KCNJ6: variants seen among roughly 807,000 people sequenced by gnomAD.
KCNJ6 encodes the protein G protein-activated inward rectifier potassium channel 2.
In KCNJ6, 9 loss-of-function variants were observed where a neutral mutation model predicts 34.2. The ratio of observed to expected loss-of-function variants is 0.26; its 90% CI spans 0.16 to 0.46. The LOEUF (loss-of-function observed/expected upper bound fraction) is 0.46, where lower values mean the gene tolerates loss of function less well. Ranked by LOEUF, KCNJ6 falls within the 20% of genes least tolerant of loss-of-function variation. The pLI, the probability that KCNJ6 is intolerant of heterozygous loss-of-function variation, is 1.00. For synonymous variants in KCNJ6, 196 were observed against 207.1 expected (o/e 0.95, Z 0.46); for missense variants, 236 against 531.3 (o/e 0.44, Z 5.46).
chr21:37,846,029 A>G (rs1289214939), intron 1 of KCNJ6, among the ~76,000 whole-genome samples: 1 of 152,224 alleles, frequency 6.6e-6, no homozygotes. Flanking sequence ...GATGCTGAAA[A>G]AAAAACAACG....
chr21:37,870,686 CCCAAATGG>C, intron 1 of KCNJ6, among the ~76,000 whole-genome samples: 1 of 151,916 alleles, frequency 6.6e-6, no homozygotes, highest in Admixed American at 6.6e-5. Context: ...ACAATGTATG[CCCAAATGG>C]TCTGGTTCCT....
intron 2 of KCNJ6, among the ~76,000 whole-genome samples, chr21:37,735,295 C>T (rs2054907114): frequency 6.6e-6 from 1 of 152,208 alleles, no homozygotes; most frequent in Admixed American, 6.5e-5. Flanking sequence ...AGAATCCTAT[C>T]ACCAGAAACG....
intron 1 of KCNJ6, among the ~76,000 whole-genome samples, chr21:37,906,912 A>G (rs1029064232): frequency 2.0e-5 from 3 of 152,208 alleles, no homozygotes; most frequent in South Asian, 2.1e-4. Flanking sequence ...GAATATGTTT[A>G]GGGTATTGAC....
intron 1 of KCNJ6, among the ~76,000 whole-genome samples, chr21:37,876,494 G>A (rs955441811): frequency 6.6e-6 from 1 of 151,602 alleles, no homozygotes; most frequent in African/African-American, 2.4e-5. Flanking sequence ...CTTATCCCAG[G>A]ACATTTGAAA....
intron 2 of KCNJ6, among the ~76,000 whole-genome samples, chr21:37,792,349 C>T (rs965071447): frequency 6.6e-6 from 1 of 152,196 alleles, no homozygotes; most frequent in African/African-American, 2.4e-5. Flanking sequence ...AATCACTACA[C>T]TAATTATTTT....
Position 37,733,523 on chromosome 21 carries a change from C to T in KCNJ6, c.26-18392G>A, listed in dbSNP as rs976372972. Among the ~76,000 whole-genome samples, 6 of 152,302 alleles carry T rather than the reference C, an allele frequency of 3.9e-5. 1 individual carries two copies. In the South Asian group the frequency reaches 8.3e-4, roughly 21 times the overall value. The stretch of plus-strand genomic sequence containing the variant: ...TCTTTGGCCAGTGGCCAAACATCTC[C>T]GCATCTCAGCATCTTTCTTCTAGGG... On this transcript the variant is annotated intron_variant, in intron 2 of 3. Transcript: ENST00000609713.
chr21:37,692,794 A>G (rs1353559995), intron 3 of KCNJ6, among the ~76,000 whole-genome samples: 1 of 152,238 alleles, frequency 6.6e-6, no homozygotes, highest in Admixed American at 6.5e-5. Flanking sequence ...GCGATCTGCC[A>G]AGGAACCATT....
chr21:37,846,964 A>C (rs2055511971), intron 1 of KCNJ6, among the ~76,000 whole-genome samples: 1 of 152,158 alleles, frequency 6.6e-6, no homozygotes, highest in Non-Finnish European at 1.5e-5. Flanking sequence ...ACATCCTCAG[A>C]TAGCCAAGCA....
chr21:37,892,740 C>T (rs568557307), intron 1 of KCNJ6, among the ~76,000 whole-genome samples: 1 of 152,040 alleles, frequency 6.6e-6, no homozygotes, highest in African/African-American at 2.4e-5. Context: ...CACTGTTGAC[C>T]CTGGCAATGA....
At chr21:37,719,012 C>G (rs183189784) in intron 2 of KCNJ6, among the ~76,000 whole-genome samples, 8 of 152,074 alleles carry the variant, frequency 5.3e-5, no homozygotes, top group Admixed American at 2.6e-4. Context: ...ATCATGGCAG[C>G]TGGTGGGATG....
At chr21:37,875,710 C>CT (rs1417168669) in intron 1 of KCNJ6, among the ~76,000 whole-genome samples, 2 of 152,128 alleles carry the variant, frequency 1.3e-5, no homozygotes, top group Non-Finnish European at 2.9e-5. Flanking sequence ...AAACCATGGC[C>CT]TTTTCCACAG....
intron 3 of KCNJ6, among the ~76,000 whole-genome samples, chr21:37,643,282 T>C (rs1168960406): frequency 6.6e-6 from 1 of 152,226 alleles, no homozygotes; most frequent in Non-Finnish European, 1.5e-5. Flanking sequence ...GCAAACCCTC[T>C]ATGATGGTCT....
intron 3 of KCNJ6, among the ~76,000 whole-genome samples, chr21:37,633,975 T>C (rs184179394): frequency 2.9e-4 from 44 of 152,120 alleles, no homozygotes; most frequent in African/African-American, 1.0e-3. Context: ...CATGAGGAAG[T>C]ACAAAGACTC....
chr21:37,889,640 C>A (rs370144299), intron 1 of KCNJ6, among the ~76,000 whole-genome samples: 3 of 152,162 alleles, frequency 2.0e-5, no homozygotes, highest in East Asian at 3.8e-4. Flanking sequence ...GTCTGCAGGG[C>A]CACACTCCCT....
intron 2 of KCNJ6, among the ~76,000 whole-genome samples, chr21:37,741,855 T>C (rs939449787): frequency 1.3e-5 from 2 of 152,238 alleles, no homozygotes; most frequent in South Asian, 2.1e-4. Context: ...GGTCCCTCTT[T>C]GCTGTCCCCA....
chr21:37,753,380 G>A (rs2055006512), intron 2 of KCNJ6, among the ~76,000 whole-genome samples: 1 of 152,200 alleles, frequency 6.6e-6, no homozygotes, highest in African/African-American at 2.4e-5. Flanking sequence ...GGGAAACACA[G>A]ATCTCTGATG....
At chr21:37,655,599 C>T (rs2835874) in intron 3 of KCNJ6, among the ~76,000 whole-genome samples, 23,854 of 152,034 alleles carry the variant, frequency 0.16, 3,038 homozygotes, top group African/African-American at 0.35. Flanking sequence ...TGTGAAAATT[C>T]TTTGCAAAGT....
At chr21:37,717,980 A>C (rs1358277387) in intron 2 of KCNJ6, among the ~76,000 whole-genome samples, 1 of 152,230 alleles carries the variant, frequency 6.6e-6, no homozygotes, top group Non-Finnish European at 1.5e-5. Context: ...CTGTTTTGAA[A>C]GGTTAATGAA....
chr21:37,657,598 C>T (rs2054470062), intron 3 of KCNJ6, among the ~76,000 whole-genome samples: 2 of 152,184 alleles, frequency 1.3e-5, no homozygotes, highest in Admixed American at 6.5e-5. Flanking sequence ...TCTCCTCTCC[C>T]TCCTCTCAAA....
Sources: allele counts gnomAD v4.1 joint callset (sites outside exome capture counted in the v4.1 genomes callset), GRCh38; gene constraint gnomAD v4.1.1; transcripts MANE v1.5; gene names NCBI Gene and HGNC (gene_info 2026-07-23, HGNC 2026-07-21).